Variants in CTNND2 observed in about 807,000 individuals in gnomAD.
The protein encoded by CTNND2 is catenin delta-2.
In CTNND2, 22 loss-of-function variants were observed where a neutral mutation model predicts 144.4. That is an observed-to-expected ratio of 0.15 (90% confidence interval 0.11 to 0.22). The LOEUF is 0.22. Ranked by LOEUF, CTNND2 falls within the 10% of genes least tolerant of loss-of-function variation. The pLI is 1.00. For missense variants in CTNND2, 1,353 were observed against 1,618.8 expected (o/e 0.84, Z 2.82); for synonymous variants, 751 against 695.6 (o/e 1.08, Z -1.25).
At chr5:11,648,273 T>G (rs937598356) in intron 2 of CTNND2, among the ~76,000 whole-genome samples, 1 of 151,950 alleles carries the variant, frequency 6.6e-6, no homozygotes, top group Non-Finnish European at 1.5e-5. Flanking sequence ...GGAATTTAAT[T>G]CTGCCTGGGA....
chr5:11,271,588 G>C lies in CTNND2; in HGVS notation c.1629-34765C>G, dbSNP rs528474533. On this transcript the variant is annotated intron_variant, in intron 9 of 21. Transcript: ENST00000304623. Reference sequence around the variant, plus strand: ...TGAGAATATCGCCCCCTGCCACCTGGACAGTAATCTCAATTGTCAGAATGG... The same window carrying C: ...TGAGAATATCGCCCCCTGCCACCTGCACAGTAATCTCAATTGTCAGAATGG... Among the ~76,000 whole-genome samples, 20 of 152,242 alleles carry C rather than the reference G, an allele frequency of 1.3e-4. No individual in the cohort carries two copies. In the East Asian group the frequency reaches 3.9e-3, roughly 29 times the overall value.
chr5:11,629,257 T>C (rs1008793529), intron 2 of CTNND2, among the ~76,000 whole-genome samples: 13 of 148,544 alleles, frequency 8.8e-5, no homozygotes, highest in African/African-American at 3.4e-4. Flanking sequence ...CCCGGAAAAG[T>C]TAAACAACAA....
intron 2 of CTNND2, among the ~76,000 whole-genome samples, chr5:11,653,206 G>A (rs1782737006): frequency 6.6e-6 from 1 of 151,680 alleles, no homozygotes; most frequent in Non-Finnish European, 1.5e-5. Flanking sequence ...AAGGAATATG[G>A]GAATGCAGAT....
At chr5:11,100,364 C>T (rs1751762501) in intron 14 of CTNND2, among the ~76,000 whole-genome samples, 1 of 152,170 alleles carries the variant, frequency 6.6e-6, no homozygotes, top group Admixed American at 6.5e-5. Flanking sequence ...AAAGCCACTT[C>T]CTAACTATTC....
chr5:11,645,076 CTG>C (rs1782276776), intron 2 of CTNND2, among the ~76,000 whole-genome samples: 1 of 152,194 alleles, frequency 6.6e-6, no homozygotes, highest in Non-Finnish European at 1.5e-5. Flanking sequence ...AGGGATCCTT[CTG>C]CCTCAGTATC....
chr5:11,337,799 C>T (rs1049595506), intron 9 of CTNND2, among the ~76,000 whole-genome samples: 2 of 152,128 alleles, frequency 1.3e-5, no homozygotes, highest in African/African-American at 4.8e-5. Flanking sequence ...CTGACTTCTA[C>T]TGATCCAAGA....
chr5:11,286,667 G>A (rs113903540), intron 9 of CTNND2, among the ~76,000 whole-genome samples: 1 of 152,310 alleles, frequency 6.6e-6, no homozygotes, highest in African/African-American at 2.4e-5. Flanking sequence ...CATCAAACTG[G>A]CAAAGATTTA....
intron 1 of CTNND2, among the ~76,000 whole-genome samples, chr5:11,854,552 A>C (rs1303804243): frequency 6.6e-6 from 1 of 152,246 alleles, no homozygotes; most frequent in Non-Finnish European, 1.5e-5. Flanking sequence ...AGAATCTAGA[A>C]GAGTGCCTGG....
intron 16 of CTNND2, among the ~76,000 whole-genome samples, chr5:11,058,154 G>T (rs1746534041): frequency 6.6e-6 from 1 of 152,216 alleles, no homozygotes; most frequent in Non-Finnish European, 1.5e-5. Context: ...GCCAGCTGCA[G>T]AAATTTGCAT....
At chr5:11,043,087 ATT>A (rs199870626) in intron 16 of CTNND2, among the ~76,000 whole-genome samples, 4 of 144,956 alleles carry the variant, frequency 2.8e-5, no homozygotes, top group South Asian at 2.2e-4. Flanking sequence ...GTCAGAGCTT[ATT>A]TTTTTTTTTT....
rs541797893 is a variant in CTNND2 at position 11,054,283 on chromosome 5, A to T, written c.2788+28413T>A. Among the ~76,000 whole-genome samples the T allele has an allele frequency of 1.1e-4, 17 of 152,312 alleles. No individual in the cohort carries two copies. The East Asian group carries it at 2.7e-3, about 24-fold the overall frequency. On this transcript the variant is annotated intron_variant, in intron 16 of 21. Transcript: ENST00000304623. ...TCTGTGTCTTCAATGGCTTCTAACA[A>T]CAGCCCTAGGAGGTCAACACTGCAG...
intron 2 of CTNND2, among the ~76,000 whole-genome samples, chr5:11,700,142 C>T (rs1785358071): frequency 6.6e-6 from 1 of 152,096 alleles, no homozygotes; most frequent in African/African-American, 2.4e-5. Context: ...AATCCCAGTG[C>T]TTTGGGAGAC....
At chr5:11,896,348 C>G (rs1490834104) in intron 1 of CTNND2, among the ~76,000 whole-genome samples, 1 of 152,134 alleles carries the variant, frequency 6.6e-6, no homozygotes, top group African/African-American at 2.4e-5. Flanking sequence ...AAAATATGGT[C>G]ATTTCTGGGG....
At chr5:11,795,133 G>A (rs2126875774) in intron 1 of CTNND2, among the ~76,000 whole-genome samples, 1 of 152,226 alleles carries the variant, frequency 6.6e-6, no homozygotes, top group Non-Finnish European at 1.5e-5. Context: ...TGTTCCTCCT[G>A]TGTTAGACAG....
In CTNND2 at chr5:11,885,018, T is replaced by C. The variant is rs146554951; in HGVS notation, c.37+18799A>G. On this transcript the variant is annotated intron_variant, in intron 1 of 21. Coordinates refer to ENST00000304623, the MANE Select transcript of CTNND2 (RefSeq NM_001332.4). ...TTTTGGGATAAATCTCACTTGATCATGGCGTATAAAAGCACTTTTGGATGT... is the reference window on the plus strand; with the variant it reads ...TTTTGGGATAAATCTCACTTGATCACGGCGTATAAAAGCACTTTTGGATGT... Among the ~76,000 whole-genome samples, 87 of 152,298 alleles carry C rather than the reference T, an allele frequency of 5.7e-4. 4 individuals carry two copies. The East Asian group carries it at 0.011, about 19-fold the overall frequency.
At chr5:11,134,800 A>G (rs1755968728) in intron 12 of CTNND2, among the ~76,000 whole-genome samples, 1 of 152,226 alleles carries the variant, frequency 6.6e-6, no homozygotes, top group African/African-American at 2.4e-5. Flanking sequence ...GCTTGCACAC[A>G]ATATGAGTGT....
At chr5:11,393,416 A>G (rs1759804148) in intron 6 of CTNND2, among the ~76,000 whole-genome samples, 1 of 152,126 alleles carries the variant, frequency 6.6e-6, no homozygotes. Flanking sequence ...GTATATTTTT[A>G]TATTTCTTGC....
At chr5:11,695,299 G>A (rs1785093272) in intron 2 of CTNND2, among the ~76,000 whole-genome samples, 1 of 152,108 alleles carries the variant, frequency 6.6e-6, no homozygotes, top group Non-Finnish European at 1.5e-5. Context: ...GGCCTGAGAG[G>A]AAATTAATAC....
chr5:11,058,410 G>A (rs966224172), intron 16 of CTNND2, among the ~76,000 whole-genome samples: 1 of 152,336 alleles, frequency 6.6e-6, no homozygotes, highest in Non-Finnish European at 1.5e-5. Context: ...GCTTCAGAGG[G>A]TGCAAGCCCC....
Sources: allele counts gnomAD v4.1 joint callset (sites outside exome capture counted in the v4.1 genomes callset), GRCh38; gene constraint gnomAD v4.1.1; transcripts MANE v1.5; gene names NCBI Gene and HGNC (gene_info 2026-07-23, HGNC 2026-07-21).